The following TTLL5 variants were observed in gnomAD, a reference collection of about 807,000 sequenced individuals.
The protein encoded by TTLL5 is tubulin polyglutamylase TTLL5.
A neutral mutation model predicts 168.4 loss-of-function variants in TTLL5; 132 were observed. The observed-to-expected ratio is 0.78, with a 90% CI of 0.68 to 0.91. The LOEUF (loss-of-function observed/expected upper bound fraction) is 0.91, where lower values mean the gene tolerates loss of function less well. Among genes scored for constraint, TTLL5 ranks in the 40% least tolerant of loss-of-function variants. TTLL5 has a pLI of 0.00. For missense variants in TTLL5, 1,545 were observed against 1,581.5 expected, an observed-to-expected ratio of 0.98 and a Z score of 0.39; for synonymous variants, 546 against 558.6, an observed-to-expected ratio of 0.98 and a Z score of 0.32.
intron 24 of TTLL5, among the ~76,000 whole-genome samples, chr14:75,781,281 TA>T (rs1892033571): frequency 6.6e-6 from 1 of 152,190 alleles, no homozygotes; most frequent in Non-Finnish European, 1.5e-5. Flanking sequence ...GTAAACTTGT[TA>T]AGGATAACTG....
At chr14:75,775,048 T>C (rs1231621277) in intron 21 of TTLL5, among the ~76,000 whole-genome samples, 1 of 151,434 alleles carries the variant, frequency 6.6e-6, no homozygotes, top group Non-Finnish European at 1.5e-5. Context: ...TTTTTCCTGA[T>C]ACTTCATCAT....
rs2034852990 is a variant in TTLL5, at chr14:75,948,615, A to G, written c.3824-5809A>G. Among the ~76,000 whole-genome samples, 3 of 152,172 alleles carry G rather than the reference A, an allele frequency of 2.0e-5. No homozygotes were observed. In the South Asian group the frequency reaches 6.2e-4, roughly 32 times the overall value. On this transcript the variant is annotated intron_variant, in intron 31 of 31. Transcript: ENST00000298832. ...GGAGGGGCTGAAAGTTAATGTGCCA[A>G]GTATCTGGTTTAAGAAGTTAAAAAA...
chr14:75,680,370 G>A (rs1222059171), intron 3 of TTLL5, among the ~76,000 whole-genome samples: 1 of 152,162 alleles, frequency 6.6e-6, no homozygotes, highest in Non-Finnish European at 1.5e-5. Context: ...TCTTGCCATT[G>A]GAGAGAAGAA....
chr14:75,775,941 A>G (rs1257836699), intron 22 of TTLL5, among the ~76,000 whole-genome samples: 1 of 152,216 alleles, frequency 6.6e-6, no homozygotes, highest in Non-Finnish European at 1.5e-5. Flanking sequence ...TGCCTGTAGA[A>G]AGTGGCAAAT....
At chr14:75,867,588 C>T (rs1278179925) in intron 29 of TTLL5, among the ~76,000 whole-genome samples, 4 of 151,618 alleles carry the variant, frequency 2.6e-5, no homozygotes, top group African/African-American at 7.3e-5. Context: ...GGTGAAACCC[C>T]GTCTCTACTA....
chr14:75,834,729 C>T (rs1895781096), intron 28 of TTLL5, among the ~76,000 whole-genome samples: 1 of 152,086 alleles, frequency 6.6e-6, no homozygotes, highest in South Asian at 2.1e-4. Flanking sequence ...AGGACTTTTT[C>T]CTTTAACAAG....
chr14:75,924,873 C>T (rs1335949829), intron 31 of TTLL5, among the ~76,000 whole-genome samples: 1 of 151,802 alleles, frequency 6.6e-6, no homozygotes, highest in Non-Finnish European at 1.5e-5. Flanking sequence ...GGCAGAGGCG[C>T]CCCTCACCTC....
Position 75,663,224 on chromosome 14 carries a change from G to T in TTLL5, c.74+1G>T, listed in dbSNP as rs1452053761. ...AGGATGAGGAGGTCATAAGTCAAGA[G>T]TAAGTAATAGCAAGCCTGCTTTCAA... On this transcript the variant is annotated splice_donor_variant, in intron 2 of 31. Transcript: ENST00000298832. LOFTEE classifies it high-confidence loss of function. 2 of 1,610,940 alleles carry T rather than the reference G, an allele frequency of 1.2e-6. No homozygotes were observed. The highest frequency in any genetic ancestry group is 1.7e-6 in the Non-Finnish European group (2 of 1,178,794).
At position 75,913,702 on chromosome 14, in the gene TTLL5, G is replaced by A. The variant is rs922629120; in HGVS notation, c.3823+11478G>A. Among the ~76,000 whole-genome samples, 103 of 151,958 alleles carry A rather than the reference G, an allele frequency of 6.8e-4. 1 individual carries two copies. Among genetic ancestry groups the A allele is most frequent in the Admixed American group, 6.8e-3 (103 of 15,248 alleles). The stretch of plus-strand genomic sequence containing the variant: ...TCTTCTACTGACATTTGGAATACCT[G>A]CCTACATATGCAAATTCTTCCTATT... On this transcript the variant is annotated intron_variant, in intron 31 of 31. Transcript: ENST00000298832.
At chr14:75,821,786 G>A (rs1037345851) in intron 28 of TTLL5, among the ~76,000 whole-genome samples, 1 of 152,258 alleles carries the variant, frequency 6.6e-6, no homozygotes, top group East Asian at 1.9e-4. Flanking sequence ...CTGCGATAAT[G>A]CTCATGGTGC....
At chr14:75,688,153 C>T (rs930490632) in intron 5 of TTLL5, among the ~76,000 whole-genome samples, 4 of 152,040 alleles carry the variant, frequency 2.6e-5, no homozygotes. Context: ...AGGTAGCTTC[C>T]GGATGGGGAT....
At chr14:75,944,119 G>A (rs2034696068) in intron 31 of TTLL5, among the ~76,000 whole-genome samples, 1 of 152,188 alleles carries the variant, frequency 6.6e-6, no homozygotes, top group African/African-American at 2.4e-5. Flanking sequence ...CTCTTCTTCT[G>A]CCTTATGCCC....
At chr14:75,715,529 C>T (rs1400576855) in intron 9 of TTLL5, among the ~76,000 whole-genome samples, 1 of 152,060 alleles carries the variant, frequency 6.6e-6, no homozygotes, top group African/African-American at 2.4e-5. Flanking sequence ...TTAGTGAGAG[C>T]TATAAGCTCT....
chr14:75,745,338 T>C (rs1422402068), intron 16 of TTLL5, 130 bp downstream of exon 16: 6 of 1,212,550 alleles, frequency 4.9e-6, no homozygotes, highest in Non-Finnish European at 7.0e-6. Context: ...ATTGGAGAAA[T>C]GTTTTCTCAG....
At chr14:75,867,430 A>C (rs967325594) in intron 29 of TTLL5, among the ~76,000 whole-genome samples, 25 of 152,278 alleles carry the variant, frequency 1.6e-4, no homozygotes, top group African/African-American at 5.8e-4. Flanking sequence ...TGTTCCAAGC[A>C]CTATTCAGGG....
At chr14:75,816,855 T>C (rs140331066) in intron 27 of TTLL5, among the ~76,000 whole-genome samples, 1,887 of 152,178 alleles carry the variant, frequency 0.012, 15 homozygotes, top group South Asian at 0.026. Flanking sequence ...GTCTGGTTCA[T>C]TGTCTGAAGG....
intron 6 of TTLL5, among the ~76,000 whole-genome samples, chr14:75,698,838 G>A (rs1886050635): frequency 6.6e-6 from 1 of 151,824 alleles, no homozygotes; most frequent in Non-Finnish European, 1.5e-5. Context: ...CCCAGAGGTT[G>A]AGGGTGCAAT....
intron 9 of TTLL5, among the ~76,000 whole-genome samples, chr14:75,715,618 T>C (rs914243123): frequency 7.9e-5 from 12 of 152,110 alleles, no homozygotes; most frequent in Admixed American, 2.0e-4. Flanking sequence ...GAGGGAGATA[T>C]GGAGTGGAGC....
At chr14:75,746,253 T>C (rs956429532) in intron 17 of TTLL5, among the ~76,000 whole-genome samples, 3 of 152,208 alleles carry the variant, frequency 2.0e-5, no homozygotes, top group African/African-American at 7.2e-5. Context: ...AGTTCATTAT[T>C]ATTATTATAT....
Sources: allele counts gnomAD v4.1 joint callset (sites outside exome capture counted in the v4.1 genomes callset), GRCh38; gene constraint gnomAD v4.1.1; transcripts MANE v1.5; gene names NCBI Gene and HGNC (gene_info 2026-07-23, HGNC 2026-07-21).